ZC3H18: variants seen among roughly 807,000 people sequenced by gnomAD.
ZC3H18 encodes zinc finger CCCH-type containing 18.
In ZC3H18, 8 loss-of-function variants were observed where a neutral mutation model predicts 106.1. The ratio of observed to expected loss-of-function variants is 0.08; its 90% confidence interval spans 0.04 to 0.14. The LOEUF is 0.14. Among genes scored for constraint, ZC3H18 ranks in the 10% least tolerant of loss-of-function variants. The pLI is 1.00. For missense variants in ZC3H18, 1,318 were observed against 1,278.4 expected (o/e 1.03, Z -0.47); for synonymous variants, 635 against 522.1 (o/e 1.22, Z -2.95).
Position 88,631,251 on chromosome 16 carries a change from G to A in ZC3H18, c.2814G>A (p.Val938=). 4.3e-6 allele frequency: 7 copies of A among 1,611,216 alleles called. No individual in the cohort carries two copies. Among genetic ancestry groups the A allele is most frequent in the Non-Finnish European group, 5.9e-6 (7 of 1,178,946 alleles). The part of the protein sequence containing the change: ...REELLKQLKA[V]EDAIARKRAK... ...AGCTGCTGAAACAGCTGAAGGCCGT[G>A]GAGGATGCTATTGCACGCAAGCGGG... Residue 938 remains valine, a synonymous_variant, in exon 18 of 18, where the codon GTG becomes GTA. Transcript: ENST00000301011.
At chr16:88,606,232 T>A (rs925455665) in intron 6 of ZC3H18, among the ~76,000 whole-genome samples, 3 of 152,220 alleles carry the variant, frequency 2.0e-5, no homozygotes, top group African/African-American at 7.2e-5. Context: ...CCTTCCAAAT[T>A]CATTTCAAGA....
chr16:88,621,253 C>T (rs1304201362), intron 8 of ZC3H18, among the ~76,000 whole-genome samples: 14 of 149,892 alleles, frequency 9.3e-5, no homozygotes, highest in Non-Finnish European at 1.5e-5. Flanking sequence ...GAGACAGAGT[C>T]TCGCTCTGTC....
chr16:88,573,462 A>C (rs9927188), intron 1 of ZC3H18, among the ~76,000 whole-genome samples: 3 of 151,724 alleles, frequency 2.0e-5, no homozygotes, highest in South Asian at 4.1e-4. Context: ...GGTGCTTTTC[A>C]TCCTTGCTTT....
intron 6 of ZC3H18, among the ~76,000 whole-genome samples, chr16:88,605,090 A>G (rs139979117): frequency 1.3e-5 from 2 of 152,346 alleles, no homozygotes; most frequent in Non-Finnish European, 2.9e-5. Flanking sequence ...GGTCTACCAG[A>G]TGCTGGTCCA....
chr16:88,608,206 T>C (rs903150938), intron 6 of ZC3H18, among the ~76,000 whole-genome samples: 5 of 152,204 alleles, frequency 3.3e-5, no homozygotes, highest in East Asian at 1.9e-4. Flanking sequence ...CCTTGTCCAG[T>C]CAGGGGGTGC....
intron 3 of ZC3H18, among the ~76,000 whole-genome samples, chr16:88,590,552 GTTTC>G (rs1165162647): frequency 4.1e-4 from 29 of 70,862 alleles, no homozygotes; most frequent in Middle Eastern, 7.8e-3. Context: ...CCCACTTTGG[GTTTC>G]TTTATTTCTT....
chr16:88,577,593 A>G lies in ZC3H18; in HGVS notation c.470A>G (p.Glu157Gly). 1 of 1,613,634 alleles carries G rather than the reference A, an allele frequency of 6.2e-7. No homozygotes were observed. Among genetic ancestry groups the G allele is most frequent in the Non-Finnish European group, 8.5e-7 (1 of 1,179,862 alleles). Residue 157 changes from glutamate (E) to glycine (G), a missense_variant, in exon 2 of 18, where the codon GAG becomes GGG. This residue lies in a region of ZC3H18 where 346 missense variants were observed against 269.0 expected (regional missense o/e 1.29). Coordinates refer to ENST00000301011, the MANE Select transcript of ZC3H18 (RefSeq NM_144604.4). ...AAAGCGGGGGCTGAGGATGATGAGG[A>G]GAAAGGCGAAGGCACTCCCAGGGAG... is the stretch of plus-strand genomic sequence containing the variant. ...AEKAGAEDDE[E>G]KGEGTPREEG...
At chr16:88,614,574 C>T (rs1472968713) in intron 8 of ZC3H18, among the ~76,000 whole-genome samples, 3 of 152,214 alleles carry the variant, frequency 2.0e-5, no homozygotes, top group Non-Finnish European at 2.9e-5. Flanking sequence ...CCTAAATGTG[C>T]TGTATTTGTC....
chr16:88,592,191 G>T lies in ZC3H18; in HGVS notation c.688+5507G>T, dbSNP rs984273921. On this transcript the variant is annotated intron_variant, in intron 3 of 17. Transcript: ENST00000301011. ...CGTCCTCACCATTACTCTGTTCTCTGTTTTTTTTTGATAGTAGCCATTTCA... is the reference window on the plus strand; with the variant it reads ...CGTCCTCACCATTACTCTGTTCTCTTTTTTTTTTTGATAGTAGCCATTTCA... 5.3e-5 allele frequency among the ~76,000 whole-genome samples: 8 copies of T among 151,486 alleles called. No individual in the cohort carries two copies. In the South Asian group the frequency reaches 1.0e-3, roughly 20 times the overall value.
chr16:88,627,866 G>A lies in ZC3H18; in HGVS notation c.2270-54G>A, dbSNP rs1282745823. On this transcript the variant is annotated intron_variant, in intron 14 of 17. Transcript: ENST00000301011. The surrounding 1 kb of genome is among the most constrained non-coding windows in gnomAD (Gnocchi z 4.5). ...GCACAGACTTTGCCTGGCTGTTGGT[G>A]TGGCCATGGGAAAATCACCAGTACC... 2.5e-6 allele frequency: 4 copies of A among 1,612,784 alleles called. No homozygotes were observed. The East Asian group carries it at 8.9e-5, about 36-fold the overall frequency.
rs552802252 is a variant in ZC3H18 at position 88,603,960 on chromosome 16, A to C, written c.1088+4012A>C. Among the ~76,000 whole-genome samples, 595 of 152,078 alleles carry C rather than the reference A, an allele frequency of 3.9e-3. 8 individuals carry two copies. The highest frequency in any genetic ancestry group is 0.02 in the Middle Eastern group (6 of 294). On this transcript the variant is annotated intron_variant, in intron 6 of 17. Transcript: ENST00000301011. ...ATTTCTTAAAATAATAATAATAATA[A>C]TACTTTGCTAGACAGACGCACTCTG...
intron 6 of ZC3H18, among the ~76,000 whole-genome samples, chr16:88,601,057 G>A (rs1357247617): frequency 6.6e-6 from 1 of 152,350 alleles, no homozygotes; most frequent in East Asian, 1.9e-4. Flanking sequence ...GCCCTGCAAG[G>A]CCCTTCTCAA....
At chr16:88,622,485 C>G (rs1415512820) in intron 9 of ZC3H18, 97 bp downstream of exon 9, 1 of 1,356,578 alleles carries the variant, frequency 7.4e-7, no homozygotes, top group Non-Finnish European at 9.8e-7. Flanking sequence ...CACCCCAGCC[C>G]CACTGTTTGC....
In ZC3H18 at chr16:88,598,465, C is replaced by T. The variant is rs149672884; in HGVS notation, c.837+139C>T. On this transcript the variant is annotated intron_variant, in intron 4 of 17. Transcript: ENST00000301011. ...CTGCTTCTGTCGTCCCGAGTGGAAG[C>T]AGGCCTCGGCTTTCCGAGGACGGAG... 2.3e-3 allele frequency: 3,449 copies of T among 1,468,962 alleles called. 27 individuals are homozygous for T. The Middle Eastern group carries it at 0.026, about 11-fold the overall frequency. The allele number at this position is 1,468,962 out of a possible 1,614,324, so 91.0% of individuals were successfully genotyped here. A position where few individuals can be genotyped will look rare whatever the true frequency, so the allele number is the denominator to read the frequency against.
intron 3 of ZC3H18, among the ~76,000 whole-genome samples, chr16:88,589,385 C>G (rs932122098): frequency 6.6e-6 from 1 of 152,224 alleles, no homozygotes; most frequent in South Asian, 2.1e-4. Context: ...AGCATAATTT[C>G]CAGTAACCAA....
chr16:88,611,254 G>A lies in ZC3H18; in HGVS notation c.1207-14G>A. On this transcript the variant is annotated splice_polypyrimidine_tract_variant and intron_variant, in intron 7 of 17. Transcript: ENST00000301011. ...AACGCACGGTGTCCCCATGTGTTTGGCTTTTTAACAAAGGAAAGGGAGCGG... is the reference window on the plus strand; with the variant it reads ...AACGCACGGTGTCCCCATGTGTTTGACTTTTTAACAAAGGAAAGGGAGCGG... The A allele has an allele frequency of 1.3e-6, 1 of 761,680 alleles. No homozygotes were observed. Among genetic ancestry groups the A allele is most frequent in the Non-Finnish European group, 2.4e-6 (1 of 408,756 alleles). 47.2% of individuals were successfully genotyped at this position (761,680 alleles called of 1,614,324 possible).
intron 6 of ZC3H18, among the ~76,000 whole-genome samples, chr16:88,602,939 C>A (rs4782378): frequency 0.85 from 129,962 of 152,154 alleles, 55,778 homozygotes; most frequent in Admixed American, 0.91. Context: ...GTCTTGAGGA[C>A]ATAAAGGACA....
chr16:88,591,385 C>T (rs1348225938), intron 3 of ZC3H18, among the ~76,000 whole-genome samples: 1 of 152,132 alleles, frequency 6.6e-6, no homozygotes, highest in Admixed American at 6.5e-5. Flanking sequence ...CCAGACTGCT[C>T]AACATGGTGA....
intron 3 of ZC3H18, among the ~76,000 whole-genome samples, chr16:88,596,335 A>G (rs762773859): frequency 6.6e-6 from 1 of 152,192 alleles, no homozygotes; most frequent in Admixed American, 6.5e-5. Context: ...CCAGATACAT[A>G]TTTTAGATGA....
Sources: allele counts gnomAD v4.1 joint callset (sites outside exome capture counted in the v4.1 genomes callset), GRCh38; gene constraint gnomAD v4.1.1; regional missense constraint gnomAD v4.1.1; non-coding constraint Gnocchi (gnomAD v3.1); transcripts MANE v1.5; gene names NCBI Gene and HGNC (gene_info 2026-07-23, HGNC 2026-07-21).